The following HHLA2 variants were observed in gnomAD, a reference collection of about 807,000 sequenced individuals.
HHLA2 encodes HERV-H LTR-associating protein 2.
A neutral mutation model predicts 45.9 loss-of-function variants in HHLA2; 48 were observed. The ratio of observed to expected loss-of-function variants is 1.05; its 90% CI spans 0.83 to 1.33. The LOEUF is 1.33. HHLA2 is among the 40% of genes most tolerant of loss of function. HHLA2 has a pLI of 0.00. For synonymous variants in HHLA2, 161 were observed against 173.9 expected, an observed-to-expected ratio of 0.93 and a Z score of 0.59; for missense variants, 462 against 494.3, an observed-to-expected ratio of 0.93 and a Z score of 0.62.
intron 9 of HHLA2, 42 bp from the exon 9 acceptor site, chr3:108,376,451 T>G (rs768132102): frequency 1.3e-6 from 2 of 1,529,602 alleles, no homozygotes; most frequent in Non-Finnish European, 8.9e-7. Flanking sequence ...TTTTGGTGTT[T>G]GCAAAGAAAT....
intron 5 of HHLA2, among the ~76,000 whole-genome samples, chr3:108,354,159 A>G (rs1232373180): frequency 6.6e-6 from 1 of 152,172 alleles, no homozygotes; most frequent in African/African-American, 2.4e-5. Context: ...TCATGACTGA[A>G]AAAATATTGA....
intron 8 of HHLA2, 135 bp downstream of exon 7, chr3:108,362,581 C>T (rs2082000901): frequency 3.1e-6 from 2 of 650,960 alleles, no homozygotes. Flanking sequence ...ACAAAATTCA[C>T]CCAAAATCTT....
At chr3:108,376,278 C>T (rs1177433059) in intron 9 of HHLA2, among the ~76,000 whole-genome samples, 2 of 152,118 alleles carry the variant, frequency 1.3e-5, no homozygotes, top group Non-Finnish European at 2.9e-5. Context: ...CCTTTATTCC[C>T]CGGCTTTGGA....
At chr3:108,362,146 C>T (rs2081992690) in intron 7 of HHLA2, among the ~76,000 whole-genome samples, 196 bp from the exon 7 acceptor site, 1 of 152,096 alleles carries the variant, frequency 6.6e-6, no homozygotes, top group Non-Finnish European at 1.5e-5. Flanking sequence ...CCTGTCCAGT[C>T]TGGGCTCTTG....
intron 8 of HHLA2, among the ~76,000 whole-genome samples, chr3:108,373,324 G>A (rs1022734368): frequency 6.6e-6 from 1 of 152,088 alleles, no homozygotes; most frequent in African/African-American, 2.4e-5. Context: ...CTGAGGGGAC[G>A]TATCTCAGAA....
chr3:108,350,353 T>C (rs1035714572), intron 3 of HHLA2, among the ~76,000 whole-genome samples: 2 of 152,158 alleles, frequency 1.3e-5, no homozygotes, highest in Non-Finnish European at 2.9e-5. Flanking sequence ...TAATAGAAAA[T>C]GTACAGTTTT....
At chr3:108,296,758 A>C (rs985121295) in intron 1 of HHLA2, among the ~76,000 whole-genome samples, 159 bp downstream of exon 1, 1 of 152,280 alleles carries the variant, frequency 6.6e-6, no homozygotes, top group Non-Finnish European at 1.5e-5. Context: ...TGTATTGTGC[A>C]TATGCACCAA....
intron 3 of HHLA2, among the ~76,000 whole-genome samples, chr3:108,348,502 A>G (rs2081709807): frequency 6.6e-6 from 1 of 152,192 alleles, no homozygotes; most frequent in Admixed American, 6.5e-5. Flanking sequence ...GAAATAGATA[A>G]TCAAGAGTAA....
At chr3:108,321,147 C>CAGGCAG (rs1164604289) in intron 2 of HHLA2, among the ~76,000 whole-genome samples, 1 of 138,742 alleles carries the variant, frequency 7.2e-6, no homozygotes, top group Non-Finnish European at 1.6e-5. Context: ...ATGGTTCTAA[C>CAGGCAG]AGGCAGAGGC....
At chr3:108,361,009 C>T (rs79700961) in intron 7 of HHLA2, among the ~76,000 whole-genome samples, 7,739 of 152,256 alleles carry the variant, frequency 0.051, 267 homozygotes, top group South Asian at 0.091. Flanking sequence ...CTAATGCTTG[C>T]TGCCCTCGTT....
At chr3:108,358,761 AC>A (rs2081941232) in intron 7 of HHLA2, among the ~76,000 whole-genome samples, 1 of 152,206 alleles carries the variant, frequency 6.6e-6, no homozygotes, top group African/African-American at 2.4e-5. Flanking sequence ...GGATGGTCCC[AC>A]CCTTAAACTA....
At chr3:108,307,066 G>A (rs1476149080) in intron 1 of HHLA2, among the ~76,000 whole-genome samples, 1 of 152,100 alleles carries the variant, frequency 6.6e-6, no homozygotes, top group African/African-American at 2.4e-5. Context: ...ACGTTGGCCA[G>A]GCTGGTCTTG....
chr3:108,331,134 G>A (rs1228495654), intron 3 of HHLA2, among the ~76,000 whole-genome samples: 5 of 152,138 alleles, frequency 3.3e-5, no homozygotes, highest in South Asian at 2.1e-4. Context: ...CTCCATTGCC[G>A]TCTAGAACAT....
At chr3:108,352,266 A>G (rs964973290) in intron 4 of HHLA2, among the ~76,000 whole-genome samples, 2 of 152,154 alleles carry the variant, frequency 1.3e-5, no homozygotes, top group African/African-American at 4.8e-5. Flanking sequence ...GGTTTAGCAG[A>G]GCAATTAGAG....
chr3:108,371,723 C>G lies in HHLA2; in HGVS notation c.1109-4027C>G, dbSNP rs554023322. On this transcript the variant is annotated intron_variant, in intron 8 of 10. Coordinates refer to ENST00000619531, the Ensembl canonical transcript of HHLA2. ...TTAAACCAACAAAGATCAAAAGAGA[C>G]AAAGAAAGCCGTTACATAATGGTAA... is the stretch of plus-strand genomic sequence containing the variant. Among the ~76,000 whole-genome samples, 3 of 152,216 alleles carry G rather than the reference C, an allele frequency of 2.0e-5. No individual in the cohort carries two copies. In the South Asian group the frequency reaches 6.2e-4, roughly 32 times the overall value.
At chr3:108,305,217 C>T (rs752286804) in intron 1 of HHLA2, among the ~76,000 whole-genome samples, 1 of 152,074 alleles carries the variant, frequency 6.6e-6, no homozygotes, top group Admixed American at 6.6e-5. Context: ...AATGCTGATG[C>T]TTTATTTGGG....
chr3:108,304,594 G>A (rs2080898819), intron 1 of HHLA2, among the ~76,000 whole-genome samples: 1 of 152,092 alleles, frequency 6.6e-6, no homozygotes. Flanking sequence ...GAGGTTCTAG[G>A]TGGATGTGAA....
chr3:108,334,581 A>G (rs2081440313), intron 3 of HHLA2, among the ~76,000 whole-genome samples: 1 of 152,228 alleles, frequency 6.6e-6, no homozygotes, highest in Non-Finnish European at 1.5e-5. Context: ...ATAGACATCC[A>G]TCCCTATTAT....
Position 108,306,290 on chromosome 3 carries a change from G to A in HHLA2, c.-191-4365G>A, listed in dbSNP as rs936000792. Among the ~76,000 whole-genome samples the A allele has an allele frequency of 3.1e-4, 47 of 152,114 alleles. 1 individual carries two copies. The highest frequency in any genetic ancestry group is 1.2e-4 in the Non-Finnish European group (8 of 68,012). ...TCTTAGTGTCTGCTTCTTGTAGAAC[G>A]TGATTAGCACAGTCATAATACATTA... On this transcript the variant is annotated intron_variant, in intron 1 of 10. Transcript: ENST00000619531.
Sources: gnomAD v4.1 joint callset for allele counts (sites outside exome capture counted in the v4.1 genomes callset) on GRCh38, gnomAD v4.1.1 for gene constraint, MANE v1.5 for transcripts, NCBI Gene and HGNC (gene_info 2026-07-23, HGNC 2026-07-21) for gene names.